Variants in DCC observed in about 807,000 individuals in gnomAD.
DCC encodes DCC netrin 1 receptor, also known as netrin receptor DCC.
A neutral mutation model predicts 172.5 loss-of-function variants in DCC; 58 were observed. That is an observed-to-expected ratio of 0.34 (90% CI 0.27 to 0.42). The LOEUF (loss-of-function observed/expected upper bound fraction) is 0.42. Among genes scored for constraint, DCC ranks in the 10% least tolerant of loss-of-function variants. DCC has a pLI of 1.00. For synonymous variants in DCC, 709 were observed against 644.5 expected (o/e 1.10, Z -1.52); for missense variants, 1,740 against 1,791.0 (o/e 0.97, Z 0.51).
At chr18:52,451,427 T>TG (rs1377713895) in intron 1 of DCC, among the ~76,000 whole-genome samples, 1 of 152,096 alleles carries the variant, frequency 6.6e-6, no homozygotes, top group African/African-American at 2.4e-5. Flanking sequence ...TGAGGCCGTT[T>TG]GGGAAAGAGA....
chr18:52,890,649 T>G (rs2039634868), intron 2 of DCC, among the ~76,000 whole-genome samples: 1 of 152,150 alleles, frequency 6.6e-6, no homozygotes, highest in Admixed American at 6.6e-5. Flanking sequence ...GGTATCTTAA[T>G]AGATAGTTCT....
chr18:52,888,924 CAT>C (rs1157898026), intron 2 of DCC, among the ~76,000 whole-genome samples: 2 of 152,086 alleles, frequency 1.3e-5, no homozygotes, highest in African/African-American at 4.8e-5. Flanking sequence ...TATACACACA[CAT>C]ATATATACAT....
At chr18:53,379,453 C>A (rs1372043163) in intron 15 of DCC, among the ~76,000 whole-genome samples, 1 of 152,230 alleles carries the variant, frequency 6.6e-6, no homozygotes, top group Non-Finnish European at 1.5e-5. Flanking sequence ...CCAAGTACAG[C>A]ATCTTGGTCT....
chr18:53,476,344 TC>T (rs1409055258), intron 25 of DCC, among the ~76,000 whole-genome samples: 1 of 152,144 alleles, frequency 6.6e-6, no homozygotes, highest in African/African-American at 2.4e-5. Context: ...TTTGGCTGTG[TC>T]CCCACCCAAA....
At chr18:53,167,878 A>T (rs535761481) in intron 8 of DCC, among the ~76,000 whole-genome samples, 1 of 152,298 alleles carries the variant, frequency 6.6e-6, no homozygotes, top group South Asian at 2.1e-4. Flanking sequence ...ATTTCCTTTG[A>T]ATTGGATTCC....
At chr18:52,912,657 G>C (rs1030728336) in intron 3 of DCC, among the ~76,000 whole-genome samples, 4 of 152,042 alleles carry the variant, frequency 2.6e-5, no homozygotes, top group Non-Finnish European at 5.9e-5. Context: ...ATAGGAGTCA[G>C]GAGATAAATA....
Position 53,371,713 on chromosome 18 carries a change from A to G in DCC, c.2360-14330A>G, listed in dbSNP as rs543612198. 3.9e-5 allele frequency among the ~76,000 whole-genome samples: 6 copies of G among 152,172 alleles called. No individual in the cohort carries two copies. In the South Asian group the frequency reaches 6.2e-4, roughly 16 times the overall value. ...ACCTTCTATTGAATGTTAACCCAAT[A>G]TCTAGTTGTTTTAAAATATTATATC... is the stretch of plus-strand genomic sequence containing the variant. On this transcript the variant is annotated intron_variant, in intron 15 of 28. Transcript: ENST00000442544.
intron 5 of DCC, among the ~76,000 whole-genome samples, chr18:53,026,342 C>T (rs546539173): frequency 4.3e-4 from 65 of 152,012 alleles, no homozygotes; most frequent in African/African-American, 1.4e-3. Flanking sequence ...TCTATGTTTC[C>T]TCCAAGTCTT....
chr18:52,620,852 A>G (rs1043916306), intron 1 of DCC, among the ~76,000 whole-genome samples: 7 of 152,226 alleles, frequency 4.6e-5, no homozygotes, highest in African/African-American at 1.7e-4. Flanking sequence ...AGGAGTATAC[A>G]CAAGCATGGA....
intron 13 of DCC, among the ~76,000 whole-genome samples, chr18:53,311,612 T>G (rs1484725661): frequency 6.6e-6 from 1 of 152,256 alleles, no homozygotes; most frequent in Non-Finnish European, 1.5e-5. Context: ...TATATAACTT[T>G]GTAAAAGATA....
chr18:52,918,812 A>C (rs1468931264), intron 3 of DCC, among the ~76,000 whole-genome samples: 1 of 152,182 alleles, frequency 6.6e-6, no homozygotes, highest in Non-Finnish European at 1.5e-5. Context: ...GCAAAAACAA[A>C]CTAAAAATCA....
Position 53,081,044 on chromosome 18 carries a change from C to T in DCC, c.1261+14878C>T, listed in dbSNP as rs76196801. ...ACATAAGATAACCACTGAGCACTAT[C>T]GCTGCCAGGACTGGAATATATTGAT... On this transcript the variant is annotated intron_variant, in intron 7 of 28. Transcript: ENST00000442544. 3.0e-3 allele frequency among the ~76,000 whole-genome samples: 452 copies of T among 152,132 alleles called. 1 individual carries two copies. Among genetic ancestry groups the T allele is most frequent in the South Asian group, 5.8e-3 (28 of 4,820 alleles).
Position 53,429,303 on chromosome 18 carries a change from G to C in DCC, c.3164-5841G>C, listed in dbSNP as rs200117120. ...CCACATGCATGCCTCAGACAGTCAAGACCCATTATCAGGCTAAGATGTAAA... is the reference window on the plus strand; with the variant it reads ...CCACATGCATGCCTCAGACAGTCAACACCCATTATCAGGCTAAGATGTAAA... On this transcript the variant is annotated intron_variant, in intron 21 of 28. Transcript: ENST00000442544. Among the ~76,000 whole-genome samples the C allele has an allele frequency of 2.5e-4, 38 of 151,032 alleles. No homozygotes were observed. In the East Asian group the frequency reaches 7.0e-3, roughly 28 times the overall value.
intron 1 of DCC, among the ~76,000 whole-genome samples, chr18:52,692,759 T>A (rs1222750297): frequency 6.6e-6 from 1 of 152,120 alleles, no homozygotes; most frequent in Non-Finnish European, 1.5e-5. Context: ...CTGTTTTTAT[T>A]TACAACATTT....
Position 52,472,291 on chromosome 18 carries a change from A to G in DCC, c.91+131413A>G, listed in dbSNP as rs539121484. Among the ~76,000 whole-genome samples the G allele has an allele frequency of 3.3e-5, 5 of 151,888 alleles. No individual in the cohort carries two copies. The East Asian group carries it at 9.7e-4, about 30-fold the overall frequency. On this transcript the variant is annotated intron_variant, in intron 1 of 28. Coordinates refer to ENST00000442544, the MANE Select transcript of DCC (RefSeq NM_005215.4). ...CCTGGGATCCCCTGTCTCCCCACCA[A>G]CCCAGCTTCCTTCCCTTTTCAGGCC...
At chr18:52,485,136 A>G (rs1037574664) in intron 1 of DCC, among the ~76,000 whole-genome samples, 3 of 152,094 alleles carry the variant, frequency 2.0e-5, no homozygotes. Context: ...ATAACATGAC[A>G]TGTGGTTTCT....
chr18:52,699,449 A>C (rs544381528), intron 1 of DCC, among the ~76,000 whole-genome samples: 85 of 152,366 alleles, frequency 5.6e-4, no homozygotes, highest in African/African-American at 1.9e-3. Context: ...AATAAAAGTC[A>C]GATGGTGTCA....
At chr18:52,497,060 C>A (rs986663508) in intron 1 of DCC, among the ~76,000 whole-genome samples, 10 of 151,080 alleles carry the variant, frequency 6.6e-5, no homozygotes, top group Middle Eastern at 3.4e-3. Flanking sequence ...TCAAGACCAG[C>A]CTGGACAACA....
intron 7 of DCC, among the ~76,000 whole-genome samples, chr18:53,097,114 C>T (rs2043099372): frequency 6.6e-6 from 1 of 152,088 alleles, no homozygotes. Flanking sequence ...TATTACTGTG[C>T]CCATGCAATA....
Sources: allele counts gnomAD v4.1 joint callset (sites outside exome capture counted in the v4.1 genomes callset), GRCh38; gene constraint gnomAD v4.1.1; transcripts MANE v1.5; gene names NCBI Gene and HGNC (gene_info 2026-07-23, HGNC 2026-07-21).